Variants in MGAT5 observed in about 807,000 individuals in gnomAD.
MGAT5 encodes the protein alpha-1,6-mannosylglycoprotein 6-beta-N-acetylglucosaminyltransferase A.
In MGAT5, 30 loss-of-function variants were observed where a neutral mutation model predicts 94.3. The observed-to-expected ratio is 0.32, with a 90% CI of 0.24 to 0.43. The LOEUF (loss-of-function observed/expected upper bound fraction) is 0.43, where lower values mean the gene tolerates loss of function less well. MGAT5 is among the 20% of genes least tolerant of loss of function. The pLI is 1.00. For missense variants in MGAT5, 691 were observed against 905.5 expected (o/e 0.76, Z 3.04); for synonymous variants, 310 against 322.9 (o/e 0.96, Z 0.43).
intron 1 of MGAT5, among the ~76,000 whole-genome samples, chr2:134,220,887 G>A (rs571936985): frequency 5.1e-4 from 78 of 152,160 alleles, no homozygotes; most frequent in African/African-American, 1.6e-3. Context: ...AATCTCTTTC[G>A]CATTTGTTTT....
chr2:134,191,010 A>G (rs976330169), intron 1 of MGAT5, among the ~76,000 whole-genome samples: 2 of 152,124 alleles, frequency 1.3e-5, no homozygotes, highest in African/African-American at 4.8e-5. Flanking sequence ...CTGGTCTCCA[A>G]TTCCTGGGCT....
chr2:134,270,377 C>G lies in MGAT5; in HGVS notation c.242-9C>G, dbSNP rs780019798. 39 of 1,613,052 alleles carry G rather than the reference C, an allele frequency of 2.4e-5. No individual in the cohort carries two copies. In the East Asian group the frequency reaches 8.5e-4, roughly 35 times the overall value. On this transcript the variant is annotated splice_polypyrimidine_tract_variant and intron_variant, in intron 1 of 15. Coordinates refer to ENST00000281923, the MANE Select transcript of MGAT5 (RefSeq NM_002410.5). The stretch of plus-strand genomic sequence containing the variant: ...AGAATTTTAAAATTGTCTGCACTTT[C>G]TTTTACAGATCTGAAGAAAACCCTT...
intron 6 of MGAT5, among the ~76,000 whole-genome samples, chr2:134,341,061 C>A (rs974343928): frequency 6.6e-6 from 1 of 152,062 alleles, no homozygotes; most frequent in African/African-American, 2.4e-5. Flanking sequence ...GAAATATTTA[C>A]AGATGAAAGG....
At chr2:134,387,574 C>G (rs1305891557) in intron 10 of MGAT5, among the ~76,000 whole-genome samples, 2 of 151,726 alleles carry the variant, frequency 1.3e-5, no homozygotes, top group Admixed American at 1.3e-4. Flanking sequence ...CAGAGCTGAG[C>G]ACACAGGAGG....
intron 2 of MGAT5, among the ~76,000 whole-genome samples, chr2:134,272,309 T>G (rs1684080528): frequency 6.6e-6 from 1 of 152,194 alleles, no homozygotes; most frequent in Non-Finnish European, 1.5e-5. Context: ...GGGACTCCTT[T>G]AAATGTGCCA....
At chr2:134,415,410 A>G (rs1369230557) in intron 12 of MGAT5, among the ~76,000 whole-genome samples, 1 of 152,138 alleles carries the variant, frequency 6.6e-6, no homozygotes, top group Non-Finnish European at 1.5e-5. Context: ...TGCCTTGTGT[A>G]TGTCTTCTTT....
In MGAT5 at chr2:134,454,288, A is replaced by C. The variant is rs1686253010; in HGVS notation, c.*5441A>C. 6.6e-6 allele frequency: 1 copy of C among 152,196 alleles called. No individual in the cohort carries two copies. The highest frequency in any genetic ancestry group is 1.5e-5 in the Non-Finnish European group (1 of 68,040). 9.4% of individuals were successfully genotyped at this position (152,196 alleles called of 1,614,324 possible). A position where few individuals can be genotyped will look rare whatever the true frequency, so the allele number is the denominator to read the frequency against. On this transcript the variant is annotated 3_prime_UTR_variant, in exon 16 of 16. Transcript: ENST00000281923. ...TTCACATCTGCCAAAGCTGAGAGGG[A>C]GCGAACTTGGGAAGCATTTTGCTCA...
At chr2:134,180,236 A>G (rs1364824988) in intron 1 of MGAT5, among the ~76,000 whole-genome samples, 7 of 152,160 alleles carry the variant, frequency 4.6e-5, no homozygotes, top group Admixed American at 4.6e-4. Flanking sequence ...TTTCTTCTCT[A>G]ATGAACTTGT....
intron 2 of MGAT5, among the ~76,000 whole-genome samples, chr2:134,280,507 G>A (rs116352230): frequency 6.6e-6 from 1 of 152,224 alleles, no homozygotes; most frequent in Non-Finnish European, 1.5e-5. Context: ...CTCTTAGCTG[G>A]TTTTAAGCTG....
intron 1 of MGAT5, among the ~76,000 whole-genome samples, chr2:134,245,625 TAACACC>T (rs1682213855): frequency 6.6e-6 from 1 of 152,218 alleles, no homozygotes; most frequent in Non-Finnish European, 1.5e-5. Flanking sequence ...CTTCTCCTTT[TAACACC>T]AACTGTATTT....
rs192261012 is a variant in MGAT5 at position 134,391,138 on chromosome 2, G to A, written c.1381-11850G>A. ...GCAGTGTTTAACCAGGTGGGAGACA[G>A]CAATAAGCAGAGGATTAGGGCTCCA... On this transcript the variant is annotated intron_variant, in intron 10 of 15. Coordinates refer to ENST00000281923, the MANE Select transcript of MGAT5 (RefSeq NM_002410.5). Among the ~76,000 whole-genome samples the A allele has an allele frequency of 7.8e-4, 119 of 152,248 alleles. 1 individual carries two copies. Among genetic ancestry groups the A allele is most frequent in the Non-Finnish European group, 2.9e-5 (2 of 68,024 alleles).
At chr2:134,290,449 A>G (rs1464579697) in intron 2 of MGAT5, among the ~76,000 whole-genome samples, 4 of 152,060 alleles carry the variant, frequency 2.6e-5, no homozygotes, top group East Asian at 3.9e-4. Context: ...TTTCTTACAC[A>G]CTTCCTTCCT....
chr2:134,146,536 T>C (rs550052696), intron 1 of MGAT5, among the ~76,000 whole-genome samples: 2 of 151,560 alleles, frequency 1.3e-5, no homozygotes, highest in Non-Finnish European at 2.9e-5. Context: ...CTCCAGCCTG[T>C]GCAACACAGC....
intron 10 of MGAT5, among the ~76,000 whole-genome samples, chr2:134,384,732 AAAGT>A (rs1223539460): frequency 6.6e-6 from 1 of 152,236 alleles, no homozygotes; most frequent in African/African-American, 2.4e-5. Context: ...ATTTATGATA[AAAGT>A]AAGGGCCAAA....
At chr2:134,120,144 C>T (rs1034475744), upstream of MGAT5, 1 of 154,590 alleles carries the variant, frequency 6.5e-6, no homozygotes, top group African/African-American at 2.4e-5. Context: ...TCGGCGGCGG[C>T]CCTGCGGCTC....
chr2:134,340,857 G>A (rs570711824), intron 6 of MGAT5, among the ~76,000 whole-genome samples: 2 of 152,148 alleles, frequency 1.3e-5, no homozygotes, highest in Non-Finnish European at 2.9e-5. Flanking sequence ...AGACATATGA[G>A]GCAATTATTA....
chr2:134,430,360 C>T (rs1055305901), intron 14 of MGAT5, among the ~76,000 whole-genome samples: 3 of 152,208 alleles, frequency 2.0e-5, no homozygotes, highest in African/African-American at 7.2e-5. Context: ...CTCTGTAAGC[C>T]TTGCTGGGCT....
chr2:134,236,008 A>G (rs982209854), intron 1 of MGAT5, among the ~76,000 whole-genome samples: 4 of 152,190 alleles, frequency 2.6e-5, no homozygotes, highest in Admixed American at 2.6e-4. Context: ...GAAAACATCC[A>G]AGTAGCTGGA....
chr2:134,434,581 C>A (rs928904588), intron 14 of MGAT5, among the ~76,000 whole-genome samples: 4 of 152,162 alleles, frequency 2.6e-5, no homozygotes, highest in African/African-American at 9.7e-5. Flanking sequence ...CCTCAAGATG[C>A]AAAACACATT....
Sources: gnomAD v4.1 joint callset for allele counts (sites outside exome capture counted in the v4.1 genomes callset) on GRCh38, gnomAD v4.1.1 for gene constraint, MANE v1.5 for transcripts, NCBI Gene and HGNC (gene_info 2026-07-23, HGNC 2026-07-21) for gene names.